BLNK: variants seen among roughly 807,000 people sequenced by gnomAD.
The protein encoded by BLNK is B-cell linker protein.
A neutral mutation model predicts 73.5 loss-of-function variants in BLNK; 29 were observed. The ratio of observed to expected loss-of-function variants is 0.39; its 90% CI spans 0.29 to 0.54. The LOEUF (loss-of-function observed/expected upper bound fraction) is 0.54. Among genes scored for constraint, BLNK ranks in the 20% least tolerant of loss-of-function variants. The pLI is 0.61. For synonymous variants in BLNK, 176 were observed against 200.8 expected, an observed-to-expected ratio of 0.88 and a Z score of 1.04; for missense variants, 460 against 562.8, an observed-to-expected ratio of 0.82 and a Z score of 1.85.
At chr10:96,263,244 C>A (rs1051582789) in intron 1 of BLNK, among the ~76,000 whole-genome samples, 2 of 152,196 alleles carry the variant, frequency 1.3e-5, no homozygotes, top group Non-Finnish European at 2.9e-5. Context: ...AGCACAGGAC[C>A]CTGTGCGACT....
chr10:96,201,640 AC>A (rs1554896180), intron 13 of BLNK, among the ~76,000 whole-genome samples: 1 of 152,202 alleles, frequency 6.6e-6, no homozygotes, highest in Non-Finnish European at 1.5e-5. Context: ...TGGTTCTGAG[AC>A]CAAAATGTCT....
rs141134379 is a variant in BLNK, at chr10:96,224,110, C to T, written c.362-121G>A. 358 of 1,138,904 alleles carry T rather than the reference C, an allele frequency of 3.1e-4. No homozygotes were observed. The East Asian group carries it at 6.0e-3, about 19-fold the overall frequency. The allele number at this position is 1,138,904 out of a possible 1,614,324, so 70.5% of individuals were successfully genotyped here. ...TGTCTATGTAGCCACAAATGATCCACGGGGCATTCCTTGAAAGAGTAAAGT... is the reference window on the plus strand; with the variant it reads ...TGTCTATGTAGCCACAAATGATCCATGGGGCATTCCTTGAAAGAGTAAAGT... On this transcript the variant is annotated intron_variant, in intron 5 of 16. Coordinates refer to ENST00000224337, the MANE Select transcript of BLNK (RefSeq NM_013314.4).
rs561092616 is a variant in BLNK, at chr10:96,256,859, C to T, written c.48-9810G>A. On this transcript the variant is annotated intron_variant, in intron 1 of 16. Coordinates refer to ENST00000224337, the MANE Select transcript of BLNK (RefSeq NM_013314.4). ...TTGCACCACTGCACTCCAGCCTGGGCGACAGAGTGAGACTCCATCTCAAAA... is the reference window on the plus strand; with the variant it reads ...TTGCACCACTGCACTCCAGCCTGGGTGACAGAGTGAGACTCCATCTCAAAA... 8.1e-4 allele frequency among the ~76,000 whole-genome samples: 98 copies of T among 121,564 alleles called. 2 individuals are homozygous for T. In the South Asian group the frequency reaches 0.014, roughly 18 times the overall value. The allele number at this position is 121,564 out of a possible 152,430, so 79.8% of individuals were successfully genotyped here.
intron 6 of BLNK, among the ~76,000 whole-genome samples, chr10:96,217,059 C>T (rs973958691): frequency 2.0e-5 from 3 of 152,146 alleles, no homozygotes; most frequent in Non-Finnish European, 4.4e-5. Context: ...TGAATATGCA[C>T]GGAATCACAC....
At chr10:96,210,775 G>T (rs1554898544) in intron 8 of BLNK, among the ~76,000 whole-genome samples, 1 of 152,094 alleles carries the variant, frequency 6.6e-6, no homozygotes, top group Non-Finnish European at 1.5e-5. Context: ...TGAGACCAAG[G>T]GGTCTCTTCA....
chr10:96,241,054 G>A (rs1554906112), intron 3 of BLNK, among the ~76,000 whole-genome samples: 1 of 152,212 alleles, frequency 6.6e-6, no homozygotes, highest in African/African-American at 2.4e-5. Flanking sequence ...TGATTGGCAG[G>A]GTGATGCCAA....
intron 1 of BLNK, 86 bp from the exon 2 acceptor site, chr10:96,247,135 A>T: frequency 1.1e-6 from 1 of 945,972 alleles, no homozygotes; most frequent in South Asian, 1.6e-5. Flanking sequence ...AATACAAAAA[A>T]GGGGAAAAAA....
chr10:96,224,791 A>G (rs918376544), intron 5 of BLNK, among the ~76,000 whole-genome samples: 10 of 152,034 alleles, frequency 6.6e-5, no homozygotes, highest in Non-Finnish European at 1.3e-4. Flanking sequence ...TCCGCCTCCC[A>G]GGTTCAAGTG....
chr10:96,250,510 G>A lies in BLNK; in HGVS notation c.48-3461C>T, dbSNP rs184121207. Among the ~76,000 whole-genome samples, 27 of 152,084 alleles carry A rather than the reference G, an allele frequency of 1.8e-4. No individual in the cohort carries two copies. In the East Asian group the frequency reaches 2.1e-3, roughly 12 times the overall value. Reference sequence around the variant, plus strand: ...AGGAAATTCAATAATTTCATATGGAGGGCAGAGGGCAGCTCGTTGTAAGCT... The same window carrying A: ...AGGAAATTCAATAATTTCATATGGAAGGCAGAGGGCAGCTCGTTGTAAGCT... On this transcript the variant is annotated intron_variant, in intron 1 of 16. Coordinates refer to ENST00000224337, the MANE Select transcript of BLNK (RefSeq NM_013314.4).
At chr10:96,230,877 C>T (rs1376355956) in intron 3 of BLNK, 43 bp from the exon 4 acceptor site, 7 of 1,598,138 alleles carry the variant, frequency 4.4e-6, no homozygotes, top group African/African-American at 4.0e-5. Context: ...GTGTGAGCCT[C>T]AGCTGGCCAG....
chr10:96,210,743 C>T (rs2083926227), intron 8 of BLNK, among the ~76,000 whole-genome samples: 1 of 152,182 alleles, frequency 6.6e-6, no homozygotes, highest in South Asian at 2.1e-4. Context: ...TGATGCTCAC[C>T]TGCTTGGACA....
At chr10:96,227,589 T>G in intron 4 of BLNK, 23 bp from the exon 5 acceptor site, 1 of 1,613,598 alleles carries the variant, frequency 6.2e-7, no homozygotes, top group Non-Finnish European at 8.5e-7. Flanking sequence ...ATGCAGACAC[T>G]GTGCTCAGCA....
intron 5 of BLNK, among the ~76,000 whole-genome samples, chr10:96,226,181 G>T (rs1045693023): frequency 1.3e-5 from 2 of 152,274 alleles, no homozygotes; most frequent in Non-Finnish European, 2.9e-5. Flanking sequence ...CAGGATTATC[G>T]AGGAGGTTAA....
chr10:96,231,452 CCTGTAATCCCAGCA>C (rs1564834988), intron 3 of BLNK, among the ~76,000 whole-genome samples: 1 of 152,146 alleles, frequency 6.6e-6, no homozygotes, highest in Non-Finnish European at 1.5e-5. Flanking sequence ...GGGGCTTATG[CCTGTAATCCCAGCA>C]CTGTAGTCCC....
intron 12 of BLNK, 91 bp from the exon 13 acceptor site, chr10:96,204,179 A>T: frequency 4.4e-6 from 6 of 1,351,178 alleles, no homozygotes; most frequent in Non-Finnish European, 5.3e-6. Flanking sequence ...GTGAACAGGC[A>T]CATCACAAAT....
At chr10:96,245,896 T>A (rs1294637113) in intron 2 of BLNK, among the ~76,000 whole-genome samples, 2 of 151,876 alleles carry the variant, frequency 1.3e-5, no homozygotes, top group African/African-American at 4.8e-5. Flanking sequence ...TTCTGGGGAG[T>A]GGGTTAAGAT....
At chr10:96,248,082 T>G (rs1342297402) in intron 1 of BLNK, among the ~76,000 whole-genome samples, 7 of 152,150 alleles carry the variant, frequency 4.6e-5, no homozygotes, top group African/African-American at 1.7e-4. Context: ...GGTAACAATA[T>G]GTATCAAGAC....
intron 11 of BLNK, 99 bp downstream of exon 11, chr10:96,206,912 A>T: frequency 7.6e-7 from 1 of 1,307,470 alleles, no homozygotes; most frequent in Non-Finnish European, 1.1e-6. Flanking sequence ...TTTCATGTTT[A>T]CAATTGCCCC....
intron 3 of BLNK, among the ~76,000 whole-genome samples, chr10:96,232,602 G>T (rs1282039908): frequency 1.3e-5 from 2 of 152,156 alleles, no homozygotes; most frequent in Non-Finnish European, 2.9e-5. Context: ...TAGGTGCTAA[G>T]AAAGAGCCTC....
Sources: gnomAD v4.1 joint callset for allele counts (sites outside exome capture counted in the v4.1 genomes callset) on GRCh38, gnomAD v4.1.1 for gene constraint, MANE v1.5 for transcripts, NCBI Gene and HGNC (gene_info 2026-07-23, HGNC 2026-07-21) for gene names.